The following DDR2 variants were observed in gnomAD, a reference collection of about 807,000 sequenced individuals.
DDR2 encodes discoidin domain receptor tyrosine kinase 2, also known as discoidin domain-containing receptor 2.
Under a neutral mutation model 94.9 loss-of-function variants are expected in DDR2, and 27 were observed. The ratio of observed to expected loss-of-function variants is 0.28; its 90% CI spans 0.21 to 0.39. The LOEUF (loss-of-function observed/expected upper bound fraction) is 0.39. DDR2 is among the 10% of genes least tolerant of loss of function. The probability of loss-of-function intolerance (pLI) is 1.00; values close to 1 mark genes in which losing one functional copy is unlikely to be tolerated. For missense variants in DDR2, 783 were observed against 1,076.0 expected, an observed-to-expected ratio of 0.73 and a Z score of 3.81; for synonymous variants, 382 against 377.2, an observed-to-expected ratio of 1.01 and a Z score of -0.15.
chr1:162,734,204 A>G (rs994832778), intron 3 of DDR2, among the ~76,000 whole-genome samples: 3 of 152,232 alleles, frequency 2.0e-5, no homozygotes, highest in Non-Finnish European at 2.9e-5. Context: ...GCAATAAAAT[A>G]TGTCATGACT....
intron 3 of DDR2, among the ~76,000 whole-genome samples, chr1:162,746,087 C>T (rs954564511): frequency 3.3e-5 from 5 of 152,158 alleles, no homozygotes; most frequent in Non-Finnish European, 7.4e-5. Flanking sequence ...TCTGCATTTC[C>T]AGCTGAGGTA....
intron 3 of DDR2, among the ~76,000 whole-genome samples, chr1:162,722,724 A>C (rs1661477019): frequency 6.6e-6 from 1 of 152,244 alleles, no homozygotes; most frequent in South Asian, 2.1e-4. Flanking sequence ...ATTGTGTGAC[A>C]GTGAGGGAGT....
chr1:162,665,463 T>C (rs928075894), intron 2 of DDR2, among the ~76,000 whole-genome samples: 1 of 152,108 alleles, frequency 6.6e-6, no homozygotes, highest in African/African-American at 2.4e-5. Flanking sequence ...AAGTGGCCCC[T>C]GCCCACCCCA....
In DDR2 at chr1:162,742,117, C is replaced by A. The variant is rs139155741; in HGVS notation, c.83-10978C>A. ...TTCAGATTTGCCCTTAAGATTCAAG[C>A]ATAATGATTACCTGTGGCACACATT... is the stretch of plus-strand genomic sequence containing the variant. On this transcript the variant is annotated intron_variant, in intron 3 of 17. Transcript: ENST00000367921. Among the ~76,000 whole-genome samples, 780 of 152,262 alleles carry A rather than the reference C, an allele frequency of 5.1e-3. 2 individuals are homozygous for A. The highest frequency in any genetic ancestry group is 9.7e-3 in the Non-Finnish European group (660 of 68,024).
chr1:162,760,092 C>G (rs1663643073), intron 8 of DDR2, 113 bp downstream of exon 8: 1 of 1,343,470 alleles, frequency 7.4e-7, no homozygotes, highest in South Asian at 1.2e-5. Flanking sequence ...ATGACATATT[C>G]TGTTACTAAC....
Position 162,656,728 on chromosome 1 carries a change from G to A in DDR2, c.-28+1354G>A, listed in dbSNP as rs187553764. On this transcript the variant is annotated intron_variant, in intron 2 of 17. Transcript: ENST00000367921. ...CACCACCAACCAGAAATTATTACAG[G>A]GTTTCTCTATTACATGAGATTTTTC... 4.0e-5 allele frequency among the ~76,000 whole-genome samples: 6 copies of A among 151,376 alleles called. No homozygotes were observed. In the East Asian group the frequency reaches 5.8e-4, roughly 15 times the overall value.
In DDR2 at chr1:162,673,608, TGAGAGA is replaced by T. The variant is rs10684469; in HGVS notation, c.-28+18267_-28+18272del. Among the ~76,000 whole-genome samples, 1,103 of 117,210 alleles carry T rather than the reference TGAGAGA, an allele frequency of 9.4e-3. 10 individuals are homozygous for T. Among genetic ancestry groups the T allele is most frequent in the African/African-American group, 0.027 (893 of 33,254 alleles). The allele number at this position is 117,210 out of a possible 152,430, so 76.9% of individuals were successfully genotyped here. A position where few individuals can be genotyped will look rare whatever the true frequency, so the allele number is the denominator to read the frequency against. ...GTGTGTGTGTGTATGTGTGTGTGTGTGAGAGAGAGAGAGAGAGAGAGAGAGAGAGAG... is the reference window on the plus strand; with the variant it reads ...GTGTGTGTGTGTATGTGTGTGTGTGTGAGAGAGAGAGAGAGAGAGAGAGAG... On this transcript the variant is annotated intron_variant, in intron 2 of 17. Transcript: ENST00000367921.
intron 3 of DDR2, among the ~76,000 whole-genome samples, chr1:162,733,328 C>A (rs1422639413): frequency 6.6e-6 from 1 of 152,166 alleles, no homozygotes; most frequent in Non-Finnish European, 1.5e-5. Context: ...GGAGTTTACC[C>A]AAAATAGGCA....
At chr1:162,695,136 A>G (rs1166938195) in intron 2 of DDR2, among the ~76,000 whole-genome samples, 1 of 152,226 alleles carries the variant, frequency 6.6e-6, no homozygotes, top group Non-Finnish European at 1.5e-5. Context: ...TGCTAGGTGG[A>G]CATTCTTTCC....
In DDR2 at chr1:162,637,796, C is replaced by T. The variant is rs535371040; in HGVS notation, c.-192+5165C>T. ...TTTAATAAAATATCTGCTGAGTATA[C>T]AGACAAATGAAATGAAGGATCCAGA... On this transcript the variant is annotated intron_variant, in intron 1 of 17. Coordinates refer to ENST00000367921, the MANE Select transcript of DDR2 (RefSeq NM_006182.4). Among the ~76,000 whole-genome samples the T allele has an allele frequency of 2.0e-5, 3 of 152,154 alleles. No individual in the cohort carries two copies. In the East Asian group the frequency reaches 5.8e-4, roughly 29 times the overall value.
rs1663386588 is a variant in DDR2, at chr1:162,754,960, A to T, written c.417+105A>T. On this transcript the variant is annotated intron_variant, in intron 5 of 17. Transcript: ENST00000367921. ...TCTGTGTGGATATGTGTGTCCACAG[A>T]CCAGGCATGCCCTTGTAAATGTGTG... 17 of 1,467,066 alleles carry T rather than the reference A, an allele frequency of 1.2e-5. 1 individual carries two copies. The South Asian group carries it at 1.9e-4, about 16-fold the overall frequency. The allele number at this position is 1,467,066 out of a possible 1,614,324, so 90.9% of individuals were successfully genotyped here. A position where few individuals can be genotyped will look rare whatever the true frequency, so the allele number is the denominator to read the frequency against.
chr1:162,761,350 G>T lies in DDR2; in HGVS notation c.995G>T (p.Arg332Leu), dbSNP rs752360996. Residue 332 changes from arginine (R) to leucine (L), a missense_variant, in exon 9 of 18, where the codon CGG becomes CTG. Arg to Leu is a moderately radical substitution (Grantham distance 102). Transcript: ENST00000367921. ...LVLDDVNPSA[R>L]FVTVPLHHRM... is the part of the protein sequence containing the mutation. ...CTGGATGACGTCAACCCCAGTGCTC[G>T]GTTTGTCACGGTGCCTCTCCACCAC... is the stretch of plus-strand genomic sequence containing the variant. 6.2e-7 allele frequency: 1 copy of T among 1,614,142 alleles called. No individual in the cohort carries two copies. Among genetic ancestry groups the T allele is most frequent in the Non-Finnish European group, 8.5e-7 (1 of 1,180,028 alleles).
Position 162,776,162 on chromosome 1 carries a change from C to T in DDR2, c.2075C>T (p.Thr692Ile), listed in dbSNP as rs201861797. ...VSYTNLKFMA[T>I]QIASGMKYLS... ...TACACCAATCTGAAGTTTATGGCTACCCAAATTGCCTCTGGCATGAAGTAC... is the reference window on the plus strand; with the variant it reads ...TACACCAATCTGAAGTTTATGGCTATCCAAATTGCCTCTGGCATGAAGTAC... Residue 692 changes from threonine to isoleucine, a missense_variant, in exon 16 of 18, where the codon ACC becomes ATC. Thr to Ile is a moderately conservative substitution (Grantham distance 89). Around this residue, in one of 2 missense-constraint regions of DDR2, gnomAD observed 264 missense variants for 428.2 expected, o/e 0.62. Transcript: ENST00000367921. The T allele has an allele frequency of 3.7e-6, 6 of 1,613,368 alleles. No individual in the cohort carries two copies. The Admixed American group carries it at 1.0e-4, about 27-fold the overall frequency.
intron 2 of DDR2, among the ~76,000 whole-genome samples, chr1:162,706,325 C>T (rs371142716): frequency 4.5e-4 from 69 of 152,272 alleles, no homozygotes; most frequent in African/African-American, 1.6e-3. Flanking sequence ...TCAAGCCTAG[C>T]CAGGGAGACA....
chr1:162,667,284 C>T (rs1008801357), intron 2 of DDR2, among the ~76,000 whole-genome samples: 1 of 152,082 alleles, frequency 6.6e-6, no homozygotes, highest in African/African-American at 2.4e-5. Context: ...TACTCATAAC[C>T]ACCACAAGAA....
chr1:162,752,902 A>G (rs1405657053), intron 3 of DDR2, among the ~76,000 whole-genome samples, 193 bp from the exon 4 acceptor site: 1 of 152,132 alleles, frequency 6.6e-6, no homozygotes, highest in African/African-American at 2.4e-5. Flanking sequence ...GGAGGCCCAA[A>G]TTGTATTTGG....
intron 2 of DDR2, among the ~76,000 whole-genome samples, chr1:162,707,431 G>T (rs1047499258): frequency 1.3e-5 from 2 of 152,148 alleles, no homozygotes. Flanking sequence ...TCAACAGCTG[G>T]ATGTTGAGAC....
At chr1:162,729,301 T>TG (rs755861408) in intron 3 of DDR2, among the ~76,000 whole-genome samples, 2 of 60,122 alleles carry the variant, frequency 3.3e-5, no homozygotes, top group African/African-American at 1.7e-4. Flanking sequence ...TATATATATA[T>TG]TTTTTTTTTT....
chr1:162,753,164 A>G lies in DDR2; in HGVS notation c.152A>G (p.Gln51Arg). Residue 51 changes from glutamine to arginine, a missense_variant, in exon 4 of 18, where the codon CAG (glutamine) becomes CGG (arginine). Physicochemically the swap from Gln to Arg is conservative, Grantham distance 43. Coordinates refer to ENST00000367921, the MANE Select transcript of DDR2 (RefSeq NM_006182.4). ...IPDEDITASS[Q>R]WSESTAAKYG... The stretch of plus-strand genomic sequence containing the variant: ...GATGAGGACATCACAGCTTCCAGTC[A>G]GTGGTCAGAGTCCACAGCTGCCAAA... 6.2e-7 allele frequency: 1 copy of G among 1,613,644 alleles called. No homozygotes were observed. Among genetic ancestry groups the G allele is most frequent in the Non-Finnish European group, 8.5e-7 (1 of 1,179,702 alleles).
Sources: gnomAD v4.1 joint callset for allele counts (sites outside exome capture counted in the v4.1 genomes callset) on GRCh38, gnomAD v4.1.1 for gene constraint, gnomAD v4.1.1 regional missense constraint, MANE v1.5 for transcripts, NCBI Gene and HGNC (gene_info 2026-07-23, HGNC 2026-07-21) for gene names.